GAMT: variants seen among roughly 807,000 people sequenced by gnomAD.
GAMT encodes the protein epididymis secretory protein Li 20.
In GAMT, 26 loss-of-function variants were observed where a neutral mutation model predicts 26.9. The ratio of observed to expected loss-of-function variants is 0.97; its 90% CI spans 0.71 to 1.34. The LOEUF (loss-of-function observed/expected upper bound fraction) is 1.34. Ranked by LOEUF, GAMT falls within the 40% of genes most tolerant of loss-of-function variation. The pLI is 0.00. For synonymous variants in GAMT, 169 were observed against 149.6 expected, an observed-to-expected ratio of 1.13 and a Z score of -0.95; for missense variants, 412 against 345.0, an observed-to-expected ratio of 1.19 and a Z score of -1.54.
At chr19:1,401,046 G>T (rs946991057) in intron 1 of GAMT, among the ~76,000 whole-genome samples, 1 of 152,224 alleles carries the variant, frequency 6.6e-6, no homozygotes, top group Non-Finnish European at 1.5e-5. Context: ...CCCATCTGGA[G>T]AGCGGGGGGC....
At chr19:1,398,073 G>C in intron 5 of GAMT, 1 of 997,132 alleles carries the variant, frequency 1.0e-6, no homozygotes, top group Non-Finnish European at 1.2e-6. Flanking sequence ...TTGTTGAGCT[G>C]GTGAGGGACT....
intron 5 of GAMT, 151 bp downstream of exon 5, chr19:1,398,765 C>G: frequency 1.3e-6 from 2 of 1,549,902 alleles, no homozygotes; most frequent in Non-Finnish European, 8.7e-7. Flanking sequence ...AGGCAAAGGA[C>G]TTTGATTTCT....
chr19:1,397,674 G>C, intron 5 of GAMT, 175 bp from the exon 6 acceptor site: 1 of 1,380,338 alleles, frequency 7.2e-7, no homozygotes, highest in Non-Finnish European at 9.7e-7. Context: ...GGAATCTCCA[G>C]CTCCCCAGTG....
intron 1 of GAMT, among the ~76,000 whole-genome samples, chr19:1,400,266 G>A (rs191645363): frequency 6.8e-6 from 1 of 147,514 alleles, no homozygotes; most frequent in East Asian, 2.0e-4. Context: ...TCCTGGAGGA[G>A]GGGGCACAGG....
Position 1,397,305 on chromosome 19 carries a change from C to A in GAMT, c.*54G>T. 1 of 1,565,226 alleles carries A rather than the reference C, an allele frequency of 6.4e-7. No homozygotes were observed. The highest frequency in any genetic ancestry group is 1.9e-5 in the Admixed American group (1 of 53,476). On this transcript the variant is annotated 3_prime_UTR_variant, in exon 6 of 6. Coordinates refer to ENST00000252288, the MANE Select transcript of GAMT (RefSeq NM_000156.6). Reference sequence around the variant, plus strand: ...AGGGCTGGTGCGACACCCTGGACTCCCGGCCAGGAAGGCACGGAGGAGGGC... The same window carrying A: ...AGGGCTGGTGCGACACCCTGGACTCACGGCCAGGAAGGCACGGAGGAGGGC...
At position 1,399,702 on chromosome 19, in the gene GAMT, CCT is replaced by C. The variant is rs1318811725; in HGVS notation, c.327+89_327+90del. 2.6e-6 allele frequency: 4 copies of C among 1,526,574 alleles called. No homozygotes were observed. The highest frequency in any genetic ancestry group is 2.8e-5 in the African/African-American group (2 of 72,706). The allele number at this position is 1,526,574 out of a possible 1,614,324, so 94.6% of individuals were successfully genotyped here. A position where few individuals can be genotyped will look rare whatever the true frequency, so the allele number is the denominator to read the frequency against. ...CCGAGAGAGAAGACCACCTCCTCCA[CCT>C]CTGACAGCCCCAGGCCCCCAACCCC... is the stretch of plus-strand genomic sequence containing the variant. On this transcript the variant is annotated intron_variant, in intron 2 of 5. Transcript: ENST00000252288. This position sits in a 1 kb window ranked among gnomAD's most constrained non-coding sequence, Gnocchi z 6.2.
chr19:1,401,207 G>A (rs886389145), intron 1 of GAMT, 89 bp downstream of exon 1: 18 of 1,132,040 alleles, frequency 1.6e-5, no homozygotes, highest in Non-Finnish European at 2.1e-5. Flanking sequence ...CCCGGCGGGA[G>A]GGTGGGCTGC....
intron 5 of GAMT, chr19:1,398,254 C>T (rs112788409): frequency 1.4e-5 from 3 of 208,790 alleles, no homozygotes; most frequent in African/African-American, 2.4e-5. Flanking sequence ...CCCGCCACCA[C>T]GCCTGGCTAA....
Position 1,399,857 on chromosome 19 carries a change from A to T in GAMT, c.263T>A (p.Ile88Asn), listed in dbSNP as rs1454203589. 1 of 1,601,882 alleles carries T rather than the reference A, an allele frequency of 6.2e-7. No homozygotes were observed. Among genetic ancestry groups the T allele is most frequent in the Non-Finnish European group, 8.5e-7 (1 of 1,175,136 alleles). Residue 88 changes from isoleucine to asparagine, a missense_variant, in exon 2 of 6, where the codon ATC becomes AAC. Transcript: ENST00000252288. The surrounding 1 kb of genome is among the most constrained non-coding windows in gnomAD (Gnocchi z 6.2). ...GAAGACGCCGTCATTGCACTCGATG[A>T]TCCAATGCTCATCAATGGGCGCCTC... The part of the protein sequence containing the change: ...VQEAPIDEHW[I>N]IECNDGVFQR...
chr19:1,399,711 GC>G lies in GAMT; in HGVS notation c.327+81del. On this transcript the variant is annotated intron_variant, in intron 2 of 5. Coordinates refer to ENST00000252288, the MANE Select transcript of GAMT (RefSeq NM_000156.6). The surrounding 1 kb of genome is among the most constrained non-coding windows in gnomAD (Gnocchi z 6.2). The stretch of plus-strand genomic sequence containing the variant: ...AAGACCACCTCCTCCACCTCTGACA[GC>G]CCCAGGCCCCCAACCCCCAGGAAGC... The G allele has an allele frequency of 6.6e-7, 1 of 1,525,722 alleles. No individual in the cohort carries two copies. The allele number at this position is 1,525,722 out of a possible 1,614,324, so 94.5% of individuals were successfully genotyped here.
intron 5 of GAMT, 39 bp from the exon 6 acceptor site, chr19:1,397,538 G>C (rs765755401): frequency 6.3e-7 from 1 of 1,598,108 alleles, no homozygotes; most frequent in Non-Finnish European, 8.5e-7. Flanking sequence ...TGAGGGCCAT[G>C]GGGGTCACGT....
rs80338734 is a variant in GAMT at position 1,401,418 on chromosome 19, C to A, written c.59G>T (p.Trp20Leu). Reference protein sequence around the residue: ...FAPGENCSPAWGAAPAAYDAA... With the variant: ...FAPGENCSPALGAAPAAYDAA... Reference sequence around the variant, plus strand: ...GTCGTAGGCCGCGGGCGCCGCCCCCCACGCGGGGCTGCAGTTCTCGCCGGG... The same window carrying A: ...GTCGTAGGCCGCGGGCGCCGCCCCCAACGCGGGGCTGCAGTTCTCGCCGGG... Residue 20 changes from tryptophan (W) to leucine (L), a missense_variant, in exon 1 of 6, where the codon TGG (tryptophan) becomes TTG (leucine). Trp to Leu is a moderately conservative substitution (Grantham distance 61, BLOSUM62 -2). Coordinates refer to ENST00000252288, the MANE Select transcript of GAMT (RefSeq NM_000156.6). 1.1e-5 allele frequency: 16 copies of A among 1,448,638 alleles called. No individual in the cohort carries two copies. The highest frequency in any genetic ancestry group is 5.9e-5 in the African/African-American group (4 of 67,960). 89.7% of individuals were successfully genotyped at this position (1,448,638 alleles called of 1,614,324 possible).
rs754901390 is a variant in GAMT, at chr19:1,399,101, G to T, written c.459+27C>A. On this transcript the variant is annotated intron_variant, in intron 4 of 5. Coordinates refer to ENST00000252288, the MANE Select transcript of GAMT (RefSeq NM_000156.6). The surrounding 1 kb of genome is among the most constrained non-coding windows in gnomAD (Gnocchi z 6.2). ...AGAGGGGCTTCCCCGAGGGCCTCCC[G>T]CATCCCAGCAAGTCAGAGAGAACCA... 5.6e-6 allele frequency: 9 copies of T among 1,613,282 alleles called. No individual in the cohort carries two copies. Among genetic ancestry groups the T allele is most frequent in the Non-Finnish European group, 7.6e-6 (9 of 1,179,904 alleles).
chr19:1,398,838 G>C, intron 5 of GAMT, 78 bp downstream of exon 5: 1 of 1,585,044 alleles, frequency 6.3e-7, no homozygotes, highest in African/African-American at 1.3e-5. Context: ...CAGGTAGCAA[G>C]GTGGCTCCAG....
At chr19:1,398,551 T>C in intron 5 of GAMT, 5 of 620,430 alleles carry the variant, frequency 8.1e-6, no homozygotes, top group Non-Finnish European at 1.4e-5. Flanking sequence ...TCCTCCTACC[T>C]CAGCCTCCCA....
chr19:1,401,206 A>G, intron 1 of GAMT, 90 bp downstream of exon 1: 1 of 1,114,192 alleles, frequency 9.0e-7, no homozygotes, highest in Non-Finnish European at 1.2e-6. Context: ...CCCCGGCGGG[A>G]GGGTGGGCTG....
chr19:1,399,080 G>A lies in GAMT; in HGVS notation c.459+48C>T. 6.2e-7 allele frequency: 1 copy of A among 1,613,362 alleles called. No homozygotes were observed. Among genetic ancestry groups the A allele is most frequent in the Non-Finnish European group, 8.5e-7 (1 of 1,179,984 alleles). On this transcript the variant is annotated intron_variant, in intron 4 of 5. Coordinates refer to ENST00000252288, the MANE Select transcript of GAMT (RefSeq NM_000156.6). This position sits in a 1 kb window ranked among gnomAD's most constrained non-coding sequence, Gnocchi z 6.2. ...GACGGAGGTGGGGGTGTGGGCAGAG[G>A]GGCTTCCCCGAGGGCCTCCCGCATC... is the stretch of plus-strand genomic sequence containing the variant.
At position 1,399,015 on chromosome 19, in the gene GAMT, A is replaced by C. The variant is rs372260609; in HGVS notation, c.471T>G (p.Phe157Leu). 26 of 1,613,318 alleles carry C rather than the reference A, an allele frequency of 1.6e-5. No homozygotes were observed. The highest frequency in any genetic ancestry group is 2.1e-5 in the Non-Finnish European group (25 of 1,180,010). ...GGACGCCCCCCGGCTTCAGCAGGCG[A>C]AAGGCGTGGTTCTGTGGAAGGGGAG... ...HQFNFIKNHA[F>L]RLLKPGGVLT... The change falls in exon 5 of 6, where the codon TTT becomes TTG. Residue 157 changes from phenylalanine (F) to leucine (L), a missense_variant. Physicochemically the swap from Phe to Leu is conservative, Grantham distance 22. Coordinates refer to ENST00000252288, the MANE Select transcript of GAMT (RefSeq NM_000156.6). This position sits in a 1 kb window ranked among gnomAD's most constrained non-coding sequence, Gnocchi z 6.2.
rs1010235535 is a variant in GAMT at position 1,399,270 on chromosome 19, C to T, written c.392-75G>A. On this transcript the variant is annotated intron_variant, in intron 3 of 5. Coordinates refer to ENST00000252288, the MANE Select transcript of GAMT (RefSeq NM_000156.6). The surrounding 1 kb of genome is among the most constrained non-coding windows in gnomAD (Gnocchi z 6.2). ...ACCCAGCCTCACCCGGCTCATCCCC[C>T]AGCGGGTGGAGGTGCAGTGAGACGG... The T allele has an allele frequency of 2.0e-6, 3 of 1,522,922 alleles. No homozygotes were observed. The highest frequency in any genetic ancestry group is 2.7e-6 in the Non-Finnish European group (3 of 1,098,638). The allele number at this position is 1,522,922 out of a possible 1,614,324, so 94.3% of individuals were successfully genotyped here. A position where few individuals can be genotyped will look rare whatever the true frequency, so the allele number is the denominator to read the frequency against.
Sources: gnomAD v4.1 joint callset for allele counts (sites outside exome capture counted in the v4.1 genomes callset) on GRCh38, gnomAD v4.1.1 for gene constraint, Gnocchi (gnomAD v3.1) non-coding constraint, MANE v1.5 for transcripts, NCBI Gene and HGNC (gene_info 2026-07-23, HGNC 2026-07-21) for gene names.